Variants in ERMP1 observed in about 807,000 individuals in gnomAD.
ERMP1 encodes the protein endoplasmic reticulum metallopeptidase 1.
In ERMP1, 86 loss-of-function variants were observed where a neutral mutation model predicts 92.0. That is an observed-to-expected ratio of 0.93 (90% CI 0.79 to 1.12). The LOEUF (loss-of-function observed/expected upper bound fraction) is 1.12, where lower values mean the gene tolerates loss of function less well. ERMP1 is among the 50% of genes most tolerant of loss of function. The pLI, the probability that ERMP1 is intolerant of heterozygous loss-of-function variation, is 0.00. For missense variants in ERMP1, 1,342 were observed against 1,116.3 expected (o/e 1.20, Z -2.88); for synonymous variants, 530 against 412.8 (o/e 1.28, Z -3.44).
At chr9:5,861,252 G>GA (rs1830486931) in intron 5 of ERMP1, among the ~76,000 whole-genome samples, 1 of 97,360 alleles carries the variant, frequency 1.0e-5, no homozygotes, top group African/African-American at 2.8e-5. Context: ...TACTGGAGAG[G>GA]GAAAAAAAAT....
At chr9:5,835,361 CAT>C (rs1491551319), upstream of ERMP1, among the ~76,000 whole-genome samples, 14 of 147,244 alleles carry the variant, frequency 9.5e-5, no homozygotes, top group Non-Finnish European at 1.3e-4. Flanking sequence ...CGCGCGCGCG[CAT>C]GTGTGTGTGT....
At chr9:5,809,241 C>G (rs1290287827) in intron 8 of ERMP1, among the ~76,000 whole-genome samples, 1 of 151,584 alleles carries the variant, frequency 6.6e-6, no homozygotes, top group African/African-American at 2.4e-5. Flanking sequence ...AGGATGGTCT[C>G]GATCTCCTGA....
chr9:5,842,880 T>A (rs1441025287), intron 6 of ERMP1, among the ~76,000 whole-genome samples: 4 of 152,230 alleles, frequency 2.6e-5, no homozygotes, highest in African/African-American at 7.2e-5. Flanking sequence ...GCTAAGGAAA[T>A]CGCTTAATTC....
chr9:5,861,707 G>A (rs1283983729), intron 5 of ERMP1, among the ~76,000 whole-genome samples: 1 of 140,358 alleles, frequency 7.1e-6, no homozygotes, highest in Non-Finnish European at 1.5e-5. Context: ...CCCCAGAGAA[G>A]AGAGGAAGGG....
intron 7 of ERMP1, among the ~76,000 whole-genome samples, chr9:5,810,482 G>C (rs889123655): frequency 6.6e-6 from 1 of 152,178 alleles, no homozygotes; most frequent in African/African-American, 2.4e-5. Flanking sequence ...TCTAGGAATA[G>C]TTCAGGTACA....
chr9:5,839,214 A>G (rs1334606170), intron 6 of ERMP1, among the ~76,000 whole-genome samples: 1 of 152,252 alleles, frequency 6.6e-6, no homozygotes, highest in Non-Finnish European at 1.5e-5. Flanking sequence ...AACCAATTAA[A>G]AAAAACTGAG....
At chr9:5,844,662 G>C (rs1830213332) in intron 6 of ERMP1, among the ~76,000 whole-genome samples, 2 of 152,150 alleles carry the variant, frequency 1.3e-5, no homozygotes, top group African/African-American at 4.8e-5. Flanking sequence ...GGAGCCGCTT[G>C]GTCAGAAGAG....
intron 6 of ERMP1, among the ~76,000 whole-genome samples, chr9:5,852,252 G>GT (rs33978241): frequency 0.35 from 52,520 of 149,176 alleles, 9,565 homozygotes; most frequent in East Asian, 0.66. Context: ...GCAGCAGAGT[G>GT]TTTTTTTTTG....
At chr9:5,861,193 G>GTA (rs1554630205) in intron 5 of ERMP1, among the ~76,000 whole-genome samples, 5 of 149,158 alleles carry the variant, frequency 3.4e-5, no homozygotes, top group South Asian at 2.2e-4. Context: ...GTGTGTGTGT[G>GTA]TGTGTGTGTG....
At chr9:5,832,370 G>A (rs755107577) in intron 1 of ERMP1, 2 of 329,164 alleles carry the variant, frequency 6.1e-6, no homozygotes, top group Non-Finnish European at 1.1e-5. Context: ...GGTAAAAAGG[G>A]GAAGCTGTTC....
At chr9:5,809,927 G>A in intron 8 of ERMP1, 84 bp downstream of exon 8, 3 of 958,982 alleles carry the variant, frequency 3.1e-6, no homozygotes, top group East Asian at 5.0e-5. Context: ...CACTCAAAAG[G>A]CCAAATACAA....
intron 8 of ERMP1, among the ~76,000 whole-genome samples, chr9:5,806,021 T>C (rs1490205132): frequency 6.6e-6 from 1 of 152,198 alleles, no homozygotes; most frequent in Non-Finnish European, 1.5e-5. Context: ...AAATGCTCCA[T>C]GTACTCTATG....
At chr9:5,830,651 C>G (rs781108812) in intron 2 of ERMP1, 76 bp downstream of exon 2, 24 of 1,224,728 alleles carry the variant, frequency 2.0e-5, no homozygotes, top group Non-Finnish European at 2.5e-5. Flanking sequence ...CCACAATTGC[C>G]CAAGTAGCTT....
intron 6 of ERMP1, among the ~76,000 whole-genome samples, chr9:5,849,405 A>G (rs1286727078): frequency 6.6e-6 from 1 of 152,148 alleles, no homozygotes; most frequent in Admixed American, 6.5e-5. Flanking sequence ...CAGATGAGCA[A>G]CCTGGTCCGG....
chr9:5,821,423 G>T (rs997606162), intron 4 of ERMP1, among the ~76,000 whole-genome samples: 1 of 152,074 alleles, frequency 6.6e-6, no homozygotes, highest in African/African-American at 2.4e-5. Context: ...ATTATTTTTA[G>T]AATTTATGCA....
chr9:5,849,822 A>G (rs1177448936), intron 6 of ERMP1, among the ~76,000 whole-genome samples: 1 of 152,214 alleles, frequency 6.6e-6, no homozygotes, highest in African/African-American at 2.4e-5. Context: ...CAGTTGGATC[A>G]CATATAAATC....
At chr9:5,840,972 GC>G in intron 6 of ERMP1, among the ~76,000 whole-genome samples, 1 of 152,208 alleles carries the variant, frequency 6.6e-6, no homozygotes, top group Non-Finnish European at 1.5e-5. Context: ...TGTCACATGA[GC>G]CTGAGGCGAA....
chr9:5,817,880 A>G (rs999706010), intron 4 of ERMP1, among the ~76,000 whole-genome samples: 1 of 152,138 alleles, frequency 6.6e-6, no homozygotes, highest in Non-Finnish European at 1.5e-5. Flanking sequence ...GGAACTAATA[A>G]AAGAGACTAA....
intron 13 of ERMP1, among the ~76,000 whole-genome samples, chr9:5,796,968 CG>C (rs547424916): frequency 6.6e-6 from 1 of 152,014 alleles, no homozygotes; most frequent in Non-Finnish European, 1.5e-5. Flanking sequence ...AGAGGAAAAT[CG>C]GGGGGCAGGA....
Sources: gnomAD v4.1 joint callset for allele counts (sites outside exome capture counted in the v4.1 genomes callset) on GRCh38, gnomAD v4.1.1 for gene constraint, MANE v1.5 for transcripts, NCBI Gene and HGNC (gene_info 2026-07-23, HGNC 2026-07-21) for gene names.